Variants in MORC3 observed in about 807,000 individuals in gnomAD.
MORC3 encodes MORC family CW-type zinc finger protein 3.
MORC3 carries 31 observed loss-of-function variants against 109.1 expected under a neutral mutation model. That is an observed-to-expected ratio of 0.28 (90% CI 0.21 to 0.38). MORC3 has a LOEUF of 0.38. MORC3 is among the 10% of genes least tolerant of loss of function. MORC3 has a pLI of 1.00. For missense variants in MORC3, 867 were observed against 1,135.8 expected (o/e 0.76, Z 3.40); for synonymous variants, 395 against 380.7 (o/e 1.04, Z -0.44).
At position 36,322,322 on chromosome 21, in the gene MORC3, G is replaced by C. The variant is rs568218008; in HGVS notation, c.39+2019G>C. Among the ~76,000 whole-genome samples, 100 of 147,758 alleles carry C rather than the reference G, an allele frequency of 6.8e-4. 2 individuals carry two copies. Among genetic ancestry groups the C allele is most frequent in the African/African-American group, 2.2e-3 (91 of 40,540 alleles). On this transcript the variant is annotated intron_variant, in intron 1 of 16. Coordinates refer to ENST00000400485, the MANE Select transcript of MORC3 (RefSeq NM_015358.3). ...TAATGAGCTTATGTATTTGTCAAAA[G>C]TCCTACATTTTAAGGCACAAAGGGT...
intron 1 of MORC3, among the ~76,000 whole-genome samples, chr21:36,322,667 C>T (rs879617923): frequency 5.9e-5 from 9 of 152,150 alleles, no homozygotes; most frequent in South Asian, 2.1e-4. Flanking sequence ...CCACTGTGCC[C>T]GGCCCAATGT....
intron 1 of MORC3, among the ~76,000 whole-genome samples, chr21:36,326,383 G>A (rs977672503): frequency 3.3e-5 from 5 of 151,904 alleles, no homozygotes; most frequent in Admixed American, 2.0e-4. Context: ...AAAATTAGCC[G>A]GGCATGGTGA....
rs541118853 is a variant in MORC3 at position 36,345,951 on chromosome 21, C to T, written c.1005+920C>T. On this transcript the variant is annotated intron_variant, in intron 8 of 16. Coordinates refer to ENST00000400485, the MANE Select transcript of MORC3 (RefSeq NM_015358.3). ...CTGACTCCCAGGTTCAAGTGATCCTCGCACCTTAGCCTCCTGAGTAGCTGT... is the reference window on the plus strand; with the variant it reads ...CTGACTCCCAGGTTCAAGTGATCCTTGCACCTTAGCCTCCTGAGTAGCTGT... Among the ~76,000 whole-genome samples, 9 of 152,288 alleles carry T rather than the reference C, an allele frequency of 5.9e-5. No homozygotes were observed. The South Asian group carries it at 1.7e-3, about 28-fold the overall frequency.
chr21:36,365,450 T>G (rs1394713066), intron 14 of MORC3, among the ~76,000 whole-genome samples: 4 of 151,582 alleles, frequency 2.6e-5, no homozygotes, highest in Non-Finnish European at 5.9e-5. Flanking sequence ...GGGGCCAGAT[T>G]TTTTTTGAGA....
chr21:36,336,305 C>T (rs981608347), intron 2 of MORC3, among the ~76,000 whole-genome samples: 3 of 151,926 alleles, frequency 2.0e-5, no homozygotes, highest in African/African-American at 4.8e-5. Context: ...TGCAGTGGCA[C>T]GATCTCCGCT....
In MORC3 at chr21:36,337,647, TAAAAA is replaced by T. The variant is rs372807986; in HGVS notation, c.246-80_246-76del. Reference sequence around the variant, plus strand: ...TTACTTGGTATTACAATTAATGAATTAAAAAAAAAGATTATAGGTATTTATTTATT... The same window carrying T: ...TTACTTGGTATTACAATTAATGAATTAAAAGATTATAGGTATTTATTTATT... On this transcript the variant is annotated intron_variant, in intron 3 of 16. Transcript: ENST00000400485. 10 of 951,002 alleles carry T rather than the reference TAAAAA, an allele frequency of 1.1e-5. No individual in the cohort carries two copies. In the African/African-American group the frequency reaches 1.4e-4, roughly 13 times the overall value. 58.9% of individuals were successfully genotyped at this position (951,002 alleles called of 1,614,324 possible). A position where few individuals can be genotyped will look rare whatever the true frequency, so the allele number is the denominator to read the frequency against.
At chr21:36,353,753 G>GTTTTTTTTTTTTTTTTTTTTTTTTTT (rs1334368761) in intron 9 of MORC3, among the ~76,000 whole-genome samples, 1 of 26,408 alleles carries the variant, frequency 3.8e-5, no homozygotes, top group African/African-American at 2.2e-4. Context: ...GCTAATTTTT[G>GTTTTTTTTTTTTTTTTTTTTTTTTTT]TATTTTTTTT....
rs1357308267 is a variant in MORC3 at position 36,341,381 on chromosome 21, T to G, written c.609-18T>G. ...TGTGAAGTTAAATTTTGGTTCTTTC[T>G]AAAAATTATTTTTACAGCTACAAAA... On this transcript the variant is annotated intron_variant, in intron 5 of 16. Coordinates refer to ENST00000400485, the MANE Select transcript of MORC3 (RefSeq NM_015358.3). 2 of 1,594,394 alleles carry G rather than the reference T, an allele frequency of 1.3e-6. No individual in the cohort carries two copies. Among genetic ancestry groups the G allele is most frequent in the African/African-American group, 2.7e-5 (2 of 73,578 alleles).
chr21:36,337,416 A>G (rs1410963616), intron 3 of MORC3, among the ~76,000 whole-genome samples: 1 of 152,184 alleles, frequency 6.6e-6, no homozygotes, highest in Non-Finnish European at 1.5e-5. Context: ...AGGGTGTGCC[A>G]GCGATGAGTT....
chr21:36,374,712 G>C (rs1323954145), intron 16 of MORC3, among the ~76,000 whole-genome samples: 1 of 152,118 alleles, frequency 6.6e-6, no homozygotes, highest in Non-Finnish European at 1.5e-5. Flanking sequence ...GGAGAATTGC[G>C]TGAACCCTGG....
intron 14 of MORC3, among the ~76,000 whole-genome samples, chr21:36,366,353 C>G (rs1022760314): frequency 6.6e-6 from 1 of 152,062 alleles, no homozygotes; most frequent in Non-Finnish European, 1.5e-5. Flanking sequence ...CATGTTGTTG[C>G]AAAGGACATT....
chr21:36,334,371 A>G (rs1172142282), intron 2 of MORC3, among the ~76,000 whole-genome samples: 2 of 152,234 alleles, frequency 1.3e-5, no homozygotes. Context: ...CAAGTATTTC[A>G]TAGTGTTTAG....
intron 1 of MORC3, among the ~76,000 whole-genome samples, chr21:36,327,155 C>CTTTTTTTTTTTTTTT (rs71326674): frequency 1.2e-5 from 1 of 81,952 alleles, no homozygotes; most frequent in African/African-American, 5.6e-5. Flanking sequence ...GGCTTTATTT[C>CTTTTTTTTTTTTTTT]TTTTTTTTTT....
chr21:36,349,275 TA>T, intron 8 of MORC3, 35 bp from the exon 9 acceptor site: 1 of 1,399,406 alleles, frequency 7.1e-7, no homozygotes, highest in Non-Finnish European at 1.0e-6. Flanking sequence ...CATCATGTCT[TA>T]TGCTTAAAAT....
intron 8 of MORC3, among the ~76,000 whole-genome samples, chr21:36,347,655 G>A (rs998571108): frequency 2.0e-5 from 3 of 152,202 alleles, no homozygotes; most frequent in African/African-American, 7.2e-5. Flanking sequence ...AGTTTTGTGA[G>A]GGGACTGTGG....
intron 13 of MORC3, among the ~76,000 whole-genome samples, chr21:36,363,643 T>C (rs2085745083): frequency 1.3e-5 from 2 of 152,212 alleles, no homozygotes; most frequent in African/African-American, 2.4e-5. Context: ...GCTTGAGTAC[T>C]CGAAGTACAG....
chr21:36,369,986 G>A, intron 15 of MORC3, 110 bp downstream of exon 15: 3 of 1,301,908 alleles, frequency 2.3e-6, no homozygotes, highest in Non-Finnish European at 3.2e-6. Context: ...CACCACTTGG[G>A]GAGGCCAAGG....
intron 9 of MORC3, among the ~76,000 whole-genome samples, chr21:36,350,123 T>C (rs2085554137): frequency 6.6e-6 from 1 of 151,844 alleles, no homozygotes; most frequent in Admixed American, 6.6e-5. Flanking sequence ...GTGGGCAACA[T>C]GGCAAAATCC....
intron 1 of MORC3, among the ~76,000 whole-genome samples, chr21:36,324,707 T>TA (rs1166661562): frequency 1.6e-5 from 2 of 127,614 alleles, no homozygotes; most frequent in East Asian, 4.1e-4. Context: ...AGCCTTCTCA[T>TA]TTTTTTTTTT....
Sources: allele counts gnomAD v4.1 joint callset (sites outside exome capture counted in the v4.1 genomes callset), GRCh38; gene constraint gnomAD v4.1.1; transcripts MANE v1.5; gene names NCBI Gene and HGNC (gene_info 2026-07-23, HGNC 2026-07-21).